The following DNAH14 variants were observed in gnomAD, a reference collection of about 807,000 sequenced individuals.
DNAH14 encodes axonemal beta dynein heavy chain 14.
Under a neutral mutation model 520.9 loss-of-function variants are expected in DNAH14, and 478 were observed. The ratio of observed to expected loss-of-function variants is 0.92; its 90% CI spans 0.85 to 0.99. The LOEUF is 0.99. Ranked by LOEUF, DNAH14 falls within the 50% of genes least tolerant of loss-of-function variation. The pLI is 0.00. For synonymous variants in DNAH14, 1,581 were observed against 1,757.2 expected (o/e 0.90, Z 2.51); for missense variants, 4,831 against 5,234.5 (o/e 0.92, Z 2.38).
chr1:224,944,538 ATGTTAGC>A (rs1365330543), intron 1 of DNAH14, among the ~76,000 whole-genome samples: 4 of 152,204 alleles, frequency 2.6e-5, no homozygotes, highest in African/African-American at 9.6e-5. Flanking sequence ...TGTCATTATG[ATGTTAGC>A]TGTTTATTTT....
intron 75 of DNAH14, among the ~76,000 whole-genome samples, chr1:225,362,848 G>T (rs1217362723): frequency 6.6e-6 from 1 of 152,110 alleles, no homozygotes; most frequent in Non-Finnish European, 1.5e-5. Context: ...ACAACATATT[G>T]CTAGGAGAAA....
chr1:224,930,416 G>A (rs952074320), intron 1 of DNAH14, among the ~76,000 whole-genome samples: 2 of 152,250 alleles, frequency 1.3e-5, no homozygotes, highest in East Asian at 3.9e-4. Flanking sequence ...AGTCCCATAA[G>A]ATTATAATGG....
chr1:225,142,124 T>G (rs936696082), intron 28 of DNAH14, among the ~76,000 whole-genome samples: 2 of 152,214 alleles, frequency 1.3e-5, no homozygotes, highest in African/African-American at 2.4e-5. Context: ...TATATTGTAT[T>G]AATGAACCAT....
In DNAH14 at chr1:225,208,286, A is replaced by T. The variant is rs1229591378; in HGVS notation, c.6439+1066A>T. ...TTGCAGTACTGGAAACAAAGCAAAA[A>T]GAATCAGTTAAAAAAAAACAACAAC... On this transcript the variant is annotated intron_variant, in intron 41 of 85. Transcript: ENST00000682510. Among the ~76,000 whole-genome samples, 7 of 152,244 alleles carry T rather than the reference A, an allele frequency of 4.6e-5. No individual in the cohort carries two copies. In the East Asian group the frequency reaches 1.4e-3, roughly 29 times the overall value.
intron 19 of DNAH14, among the ~76,000 whole-genome samples, chr1:225,081,487 A>G (rs969874940): frequency 3.0e-4 from 45 of 152,226 alleles, no homozygotes; most frequent in African/African-American, 1.1e-3. Context: ...TTTGTTATAT[A>G]CGTGCTTCGG....
intron 41 of DNAH14, among the ~76,000 whole-genome samples, chr1:225,217,779 G>C (rs370758622): frequency 6.6e-6 from 1 of 152,092 alleles, no homozygotes; most frequent in South Asian, 2.1e-4. Context: ...GGAGTGTCCC[G>C]ATTTTCCAGG....
Position 225,204,226 on chromosome 1 carries a change from A to G in DNAH14, c.5930A>G (p.Asn1977Ser). The G allele has an allele frequency of 6.7e-7, 1 of 1,492,524 alleles. No individual in the cohort carries two copies. Among genetic ancestry groups the G allele is most frequent in the South Asian group, 1.4e-5 (1 of 72,496 alleles). 92.5% of individuals were successfully genotyped at this position (1,492,524 alleles called of 1,614,324 possible). Residue 1977 changes from asparagine to serine, a missense_variant, in exon 39 of 86, where the codon AAT becomes AGT. Coordinates refer to ENST00000682510, the MANE Select transcript of DNAH14 (RefSeq NM_001367479.1). ...TCTGATACAACAGAGACTGATGATAATATTTTTGAGGAGATAGAGAAAGTT... is the reference window on the plus strand; with the variant it reads ...TCTGATACAACAGAGACTGATGATAGTATTTTTGAGGAGATAGAGAAAGTT... Reference protein sequence around the residue: ...DSSDTTETDDNIFEEIEKVVK... With the variant: ...DSSDTTETDDSIFEEIEKVVK...
At chr1:225,250,658 TG>T in intron 43 of DNAH14, 1 of 549,976 alleles carries the variant, frequency 1.8e-6, no homozygotes. Flanking sequence ...CCACTCAGGA[TG>T]GAAGCACTGG....
intron 10 of DNAH14, among the ~76,000 whole-genome samples, chr1:225,009,693 G>A (rs55786647): frequency 0.055 from 8,384 of 152,206 alleles, 470 homozygotes; most frequent in East Asian, 0.24. Flanking sequence ...AATTACTTTG[G>A]GAAGTATGAC....
At position 225,364,170 on chromosome 1, in the gene DNAH14, A is replaced by G. The variant is rs543049944; in HGVS notation, c.11988-622A>G. ...ATCAATCTGTCTCATTACTGGTGATATTAACTTTGGTCACTTGGTTAAAGT... is the reference window on the plus strand; with the variant it reads ...ATCAATCTGTCTCATTACTGGTGATGTTAACTTTGGTCACTTGGTTAAAGT... On this transcript the variant is annotated intron_variant, in intron 75 of 85. Transcript: ENST00000682510. Among the ~76,000 whole-genome samples the G allele has an allele frequency of 1.0e-3, 154 of 152,326 alleles. 1 individual carries two copies. Among genetic ancestry groups the G allele is most frequent in the African/African-American group, 3.6e-3 (148 of 41,572 alleles).
At position 225,313,302 on chromosome 1, in the gene DNAH14, A is replaced by G. The variant is rs191846736; in HGVS notation, c.9240+4892A>G. ...GATCAGTGGTGAGATCCCCTTTATC[A>G]TTTTTTATTGTGTCTCTTTGATTCT... is the stretch of plus-strand genomic sequence containing the variant. On this transcript the variant is annotated intron_variant, in intron 60 of 85. Transcript: ENST00000682510. 3.0e-3 allele frequency among the ~76,000 whole-genome samples: 458 copies of G among 152,082 alleles called. 4 individuals are homozygous for G. The highest frequency in any genetic ancestry group is 0.01 in the African/African-American group (431 of 41,472).
chr1:224,975,352 G>A (rs1236535829), intron 8 of DNAH14, among the ~76,000 whole-genome samples: 2 of 151,476 alleles, frequency 1.3e-5, no homozygotes, highest in African/African-American at 2.4e-5. Context: ...AATCCATCTG[G>A]TCCTGGACTC....
chr1:225,301,066 T>C (rs1252289745), intron 56 of DNAH14, 36 bp downstream of exon 56: 12 of 1,521,926 alleles, frequency 7.9e-6, no homozygotes, highest in Non-Finnish European at 1.1e-5. Context: ...CAAATTGTCA[T>C]GTTAAAAGTA....
chr1:224,975,596 G>A (rs1038931049), intron 8 of DNAH14, among the ~76,000 whole-genome samples: 15 of 150,936 alleles, frequency 9.9e-5, no homozygotes, highest in Middle Eastern at 3.2e-3. Flanking sequence ...TTTTTATTGC[G>A]TCTATTTGAT....
chr1:225,380,064 C>T, intron 79 of DNAH14, 95 bp from the exon 80 acceptor site: 3 of 1,318,636 alleles, frequency 2.3e-6, no homozygotes, highest in Non-Finnish European at 3.1e-6. Context: ...ACATATTCCT[C>T]CTGTCTACCA....
At chr1:225,378,819 G>T (rs1221717304) in intron 79 of DNAH14, among the ~76,000 whole-genome samples, 1 of 149,642 alleles carries the variant, frequency 6.7e-6, no homozygotes, top group East Asian at 2.0e-4. Context: ...GGGGGAGGTT[G>T]CAGTGAGCCA....
At chr1:225,263,222 GTATATATACATATATATACACA>G (rs1368614801) in intron 46 of DNAH14, among the ~76,000 whole-genome samples, 2 of 145,912 alleles carry the variant, frequency 1.4e-5, no homozygotes, top group African/African-American at 5.3e-5. Flanking sequence ...ATATATACAT[GTATATATACATATATATACACA>G]TATATATACA....
intron 6 of DNAH14, chr1:224,967,809 C>A: frequency 7.3e-7 from 1 of 1,374,690 alleles, no homozygotes; most frequent in Non-Finnish European, 9.4e-7. Flanking sequence ...ATTTTTTCAT[C>A]TATCAAATAC....
chr1:225,375,015 T>C (rs983157289), intron 78 of DNAH14, 130 bp downstream of exon 78: 4 of 812,224 alleles, frequency 4.9e-6, no homozygotes, highest in Admixed American at 3.0e-5. Flanking sequence ...TTCAGTAGTA[T>C]GGAAGTAATT....
Sources: gnomAD v4.1 joint callset for allele counts (sites outside exome capture counted in the v4.1 genomes callset) on GRCh38, gnomAD v4.1.1 for gene constraint, MANE v1.5 for transcripts, NCBI Gene and HGNC (gene_info 2026-07-23, HGNC 2026-07-21) for gene names.